TIAM1: variants seen among roughly 807,000 people sequenced by gnomAD.
The protein encoded by TIAM1 is rho guanine nucleotide exchange factor TIAM1.
A neutral mutation model predicts 163.5 loss-of-function variants in TIAM1; 65 were observed. That is an observed-to-expected ratio of 0.40 (90% CI 0.33 to 0.49). The LOEUF (loss-of-function observed/expected upper bound fraction) is 0.49, where lower values mean the gene tolerates loss of function less well. Among genes scored for constraint, TIAM1 ranks in the 20% least tolerant of loss-of-function variants. TIAM1 has a pLI of 0.77. For missense variants in TIAM1, 1,789 were observed against 2,044.7 expected (o/e 0.87, Z 2.41); for synonymous variants, 833 against 810.1 (o/e 1.03, Z -0.48).
At chr21:31,404,909 T>C (rs2077222142) in intron 2 of TIAM1, among the ~76,000 whole-genome samples, 1 of 152,130 alleles carries the variant, frequency 6.6e-6, no homozygotes, top group Non-Finnish European at 1.5e-5. Context: ...CAGCTCCCTG[T>C]TCCTCCTAGA....
At chr21:31,314,069 G>A (rs1280758647) in intron 2 of TIAM1, among the ~76,000 whole-genome samples, 4 of 152,080 alleles carry the variant, frequency 2.6e-5, no homozygotes, top group East Asian at 1.9e-4. Flanking sequence ...GAAGAATTAC[G>A]CTATGAATTT....
chr21:31,215,241 A>C (rs1265713376), intron 9 of TIAM1, among the ~76,000 whole-genome samples: 2 of 152,160 alleles, frequency 1.3e-5, no homozygotes, highest in Non-Finnish European at 2.9e-5. Context: ...CAGTGGGCTG[A>C]GCCATCTCTC....
intron 2 of TIAM1, among the ~76,000 whole-genome samples, chr21:31,288,429 T>C (rs2073894802): frequency 2.6e-5 from 4 of 152,124 alleles, no homozygotes; most frequent in Admixed American, 1.3e-4. Context: ...TCCTCACAGA[T>C]GGCACCTTCC....
chr21:31,138,259 G>C (rs898940232), intron 22 of TIAM1, among the ~76,000 whole-genome samples: 1 of 152,110 alleles, frequency 6.6e-6, no homozygotes, highest in Non-Finnish European at 1.5e-5. Context: ...TTAACATGGG[G>C]GTAGGAGGTT....
intron 5 of TIAM1, 104 bp downstream of exon 5, chr21:31,251,638 G>A (rs1021241045): frequency 9.2e-6 from 11 of 1,198,650 alleles, no homozygotes; most frequent in South Asian, 6.0e-5. Context: ...TTCAAATTCT[G>A]TATAACAACA....
At chr21:31,220,516 A>G (rs921230252) in intron 8 of TIAM1, among the ~76,000 whole-genome samples, 2 of 152,252 alleles carry the variant, frequency 1.3e-5, no homozygotes, top group Non-Finnish European at 2.9e-5. Context: ...AAAGAAAGAA[A>G]AAAGAAAACT....
intron 1 of TIAM1, among the ~76,000 whole-genome samples, chr21:31,500,130 A>G (rs531977649): frequency 6.6e-6 from 1 of 152,164 alleles, no homozygotes; most frequent in South Asian, 2.1e-4. Context: ...GCACCATTGC[A>G]CTCCAGCCTG....
intron 2 of TIAM1, among the ~76,000 whole-genome samples, chr21:31,413,169 G>A (rs140106186): frequency 5.9e-4 from 90 of 151,974 alleles, no homozygotes; most frequent in African/African-American, 2.1e-3. Flanking sequence ...TGGATGGGAA[G>A]ATCTCCCCAC....
At chr21:31,274,412 A>C (rs2073199495) in intron 3 of TIAM1, among the ~76,000 whole-genome samples, 1 of 152,234 alleles carries the variant, frequency 6.6e-6, no homozygotes, top group African/African-American at 2.4e-5. Flanking sequence ...CCACAACCAC[A>C]GATTGTTGAG....
At position 31,357,356 on chromosome 21, in the gene TIAM1, T is replaced by C. The variant is rs183369338; in HGVS notation, c.-368-17934A>G. 5.3e-5 allele frequency among the ~76,000 whole-genome samples: 8 copies of C among 152,344 alleles called. No homozygotes were observed. In the East Asian group the frequency reaches 1.5e-3, roughly 29 times the overall value. On this transcript the variant is annotated intron_variant, in intron 2 of 28. Transcript: ENST00000286827. Reference sequence around the variant, plus strand: ...ATCTGATGACCTTTTGTTCTACTTCTCTGAGAAAAATGAAGCAATCAGAGA... The same window carrying C: ...ATCTGATGACCTTTTGTTCTACTTCCCTGAGAAAAATGAAGCAATCAGAGA...
chr21:31,309,159 A>T (rs756673403), intron 2 of TIAM1, among the ~76,000 whole-genome samples: 2 of 152,180 alleles, frequency 1.3e-5, no homozygotes, highest in Non-Finnish European at 2.9e-5. Flanking sequence ...TGAAAGGTTT[A>T]AAGGTCTTCC....
At chr21:31,147,871 C>T (rs2083206880) in intron 19 of TIAM1, among the ~76,000 whole-genome samples, 1 of 145,408 alleles carries the variant, frequency 6.9e-6, no homozygotes, top group Admixed American at 7.0e-5. Flanking sequence ...CCTTATTTAG[C>T]TTATTGAGGC....
At chr21:31,335,397 A>C (rs1262008044) in intron 2 of TIAM1, among the ~76,000 whole-genome samples, 1 of 152,154 alleles carries the variant, frequency 6.6e-6, no homozygotes, top group Non-Finnish European at 1.5e-5. Context: ...GGAATTGGCT[A>C]ATGTAGAAAA....
At chr21:31,219,219 C>A (rs900397867) in intron 8 of TIAM1, among the ~76,000 whole-genome samples, 1 of 147,928 alleles carries the variant, frequency 6.8e-6, no homozygotes, top group African/African-American at 2.7e-5. Flanking sequence ...CAGGCTTGAA[C>A]TTTATCCTAC....
chr21:31,183,530 G>A (rs546000739), intron 14 of TIAM1, among the ~76,000 whole-genome samples: 9 of 152,252 alleles, frequency 5.9e-5, no homozygotes, highest in African/African-American at 2.2e-4. Context: ...GGGAGTGAGC[G>A]AAGGGCAGGC....
intron 22 of TIAM1, 152 bp downstream of exon 22, chr21:31,140,966 T>C (rs953828170): frequency 3.4e-6 from 2 of 591,318 alleles, no homozygotes; most frequent in Non-Finnish European, 5.8e-6. Flanking sequence ...ATTGCAGCCT[T>C]GGATAAAGCA....
intron 3 of TIAM1, among the ~76,000 whole-genome samples, chr21:31,273,825 G>T (rs2073172521): frequency 6.6e-6 from 1 of 152,204 alleles, no homozygotes; most frequent in African/African-American, 2.4e-5. Context: ...TATTACAAGT[G>T]TGCTTCCTGA....
chr21:31,458,561 G>A (rs1173441061), intron 2 of TIAM1, among the ~76,000 whole-genome samples: 4 of 152,164 alleles, frequency 2.6e-5, no homozygotes, highest in African/African-American at 9.7e-5. Context: ...ACCAGACACT[G>A]TCCAACTGAA....
At chr21:31,414,288 G>A (rs1425693081) in intron 2 of TIAM1, among the ~76,000 whole-genome samples, 2 of 152,146 alleles carry the variant, frequency 1.3e-5, no homozygotes, top group Admixed American at 6.6e-5. Flanking sequence ...TCAAGTGTCC[G>A]TAAGAAAAGC....
Sources: gnomAD v4.1 joint callset for allele counts (sites outside exome capture counted in the v4.1 genomes callset) on GRCh38, gnomAD v4.1.1 for gene constraint, MANE v1.5 for transcripts, NCBI Gene and HGNC (gene_info 2026-07-23, HGNC 2026-07-21) for gene names.